SOS1: variants seen among roughly 807,000 people sequenced by gnomAD.
SOS1 encodes SOS Ras/Rac guanine nucleotide exchange factor 1.
Under a neutral mutation model 157.6 loss-of-function variants are expected in SOS1, and 25 were observed. The ratio of observed to expected loss-of-function variants is 0.16; its 90% confidence interval spans 0.12 to 0.22. SOS1 has a LOEUF of 0.22. SOS1 is among the 10% of genes least tolerant of loss of function. The pLI, the probability that SOS1 is intolerant of heterozygous loss-of-function variation, is 1.00. For missense variants in SOS1, 1,237 were observed against 1,599.1 expected, an observed-to-expected ratio of 0.77 and a Z score of 3.86; for synonymous variants, 528 against 534.0, an observed-to-expected ratio of 0.99 and a Z score of 0.16.
intron 6 of SOS1, among the ~76,000 whole-genome samples, chr2:39,045,356 C>G (rs574200612): frequency 2.7e-5 from 4 of 148,568 alleles, no homozygotes; most frequent in Admixed American, 6.8e-5. Flanking sequence ...TTTGTTTGAT[C>G]TTTTAATTTC....
At chr2:39,044,123 G>A (rs1307972050) in intron 6 of SOS1, among the ~76,000 whole-genome samples, 3 of 152,148 alleles carry the variant, frequency 2.0e-5, no homozygotes, top group East Asian at 1.9e-4. Flanking sequence ...TTGGGAGGCC[G>A]AGGCAGGTAG....
chr2:39,114,334 A>T (rs1474779259), intron 1 of SOS1, among the ~76,000 whole-genome samples: 2 of 136,232 alleles, frequency 1.5e-5, no homozygotes, highest in African/African-American at 5.5e-5. Context: ...ATGGAGTTTC[A>T]CTCTTGTTGC....
intron 6 of SOS1, among the ~76,000 whole-genome samples, chr2:39,043,822 C>T (rs1266355870): frequency 6.6e-6 from 1 of 152,110 alleles, no homozygotes; most frequent in Non-Finnish European, 1.5e-5. Flanking sequence ...CTCCACAGGC[C>T]CCACCTCCAA....
chr2:39,013,683 T>G (rs1300987493), intron 12 of SOS1, 120 bp from the exon 13 acceptor site: 2 of 913,058 alleles, frequency 2.2e-6, no homozygotes, highest in Non-Finnish European at 3.6e-6. Context: ...ATCAGTGTGC[T>G]TAACACTTCC....
intron 1 of SOS1, among the ~76,000 whole-genome samples, chr2:39,070,435 A>G (rs923128592): frequency 6.6e-6 from 1 of 152,026 alleles, no homozygotes; most frequent in African/African-American, 2.4e-5. Flanking sequence ...AGAGTTCCAT[A>G]TCTTCCTCCA....
intron 14 of SOS1, among the ~76,000 whole-genome samples, chr2:39,011,591 A>C (rs1289679739): frequency 6.6e-6 from 1 of 152,224 alleles, no homozygotes; most frequent in East Asian, 1.9e-4. Flanking sequence ...GAATAATTTA[A>C]GATTCTAAGT....
chr2:39,074,325 G>A (rs1205117342), intron 1 of SOS1, among the ~76,000 whole-genome samples: 2 of 149,906 alleles, frequency 1.3e-5, no homozygotes, highest in Non-Finnish European at 3.0e-5. Flanking sequence ...ACTCCAGTCT[G>A]GGTGACAGAG....
At chr2:39,045,336 CCTAAT>C (rs759311789) in intron 6 of SOS1, among the ~76,000 whole-genome samples, 19 of 148,508 alleles carry the variant, frequency 1.3e-4, no homozygotes, top group Non-Finnish European at 2.2e-4. Context: ...TCTTCTGTGG[CCTAAT>C]CTTTTTTGTT....
intron 14 of SOS1, 41 bp downstream of exon 14, chr2:39,012,085 C>G: frequency 7.1e-7 from 1 of 1,400,056 alleles, no homozygotes; most frequent in Non-Finnish European, 1.0e-6. Context: ...AAAGTTAACT[C>G]TTTTGAAATG....
chr2:39,015,775 T>C (rs192987479), intron 10 of SOS1, among the ~76,000 whole-genome samples: 1 of 151,274 alleles, frequency 6.6e-6, no homozygotes, highest in African/African-American at 2.4e-5. Flanking sequence ...ACTCAAATTT[T>C]ATCAAGGCCC....
intron 14 of SOS1, among the ~76,000 whole-genome samples, chr2:39,011,421 CT>C (rs934644861): frequency 2.0e-5 from 3 of 148,456 alleles, no homozygotes; most frequent in Admixed American, 6.7e-5. Context: ...ATTCACACAT[CT>C]TTTTTTTTTC....
chr2:39,064,064 G>A (rs541996053), intron 2 of SOS1, among the ~76,000 whole-genome samples: 11 of 151,988 alleles, frequency 7.2e-5, no homozygotes, highest in Admixed American at 1.3e-4. Flanking sequence ...GAACTCTTGG[G>A]CTCAGGCAAT....
intron 1 of SOS1, among the ~76,000 whole-genome samples, chr2:39,069,118 G>A (rs980422447): frequency 6.9e-6 from 1 of 145,646 alleles, no homozygotes; most frequent in South Asian, 2.2e-4. Flanking sequence ...GGCTGAGGAA[G>A]GAGGAACACT....
intron 1 of SOS1, among the ~76,000 whole-genome samples, chr2:39,102,833 T>C (rs888853520): frequency 2.6e-5 from 4 of 152,096 alleles, no homozygotes; most frequent in Non-Finnish European, 5.9e-5. Context: ...CATGCACCTG[T>C]AGTCCCAACT....
chr2:39,053,926 T>TC (rs1671112856), intron 5 of SOS1, among the ~76,000 whole-genome samples: 2 of 151,858 alleles, frequency 1.3e-5, no homozygotes, highest in African/African-American at 4.8e-5. Context: ...GGAAAGGAAC[T>TC]CTTTTTTTTT....
Position 39,092,538 on chromosome 2 carries a change from G to A in SOS1, c.88-24785C>T, listed in dbSNP as rs543524179. 8.6e-4 allele frequency among the ~76,000 whole-genome samples: 131 copies of A among 152,166 alleles called. 1 individual carries two copies. In the South Asian group the frequency reaches 0.018, roughly 21 times the overall value. ...CTTTATTTTCTTTATTTTACTTACT[G>A]TTATCTAAAACTACAGTATTTCTTT... On this transcript the variant is annotated intron_variant, in intron 1 of 22. Coordinates refer to ENST00000402219, the MANE Select transcript of SOS1 (RefSeq NM_005633.4).
chr2:38,997,944 AGAGG>A (rs1668954034), intron 17 of SOS1, among the ~76,000 whole-genome samples: 1 of 152,170 alleles, frequency 6.6e-6, no homozygotes, highest in Non-Finnish European at 1.5e-5. Context: ...CGGCCACACA[AGAGG>A]TTGTTATGAT....
intron 1 of SOS1, among the ~76,000 whole-genome samples, chr2:39,068,580 T>A (rs1444174749): frequency 6.6e-6 from 1 of 152,236 alleles, no homozygotes; most frequent in Non-Finnish European, 1.5e-5. Flanking sequence ...AAATAGTATT[T>A]GTGAACACAA....
At chr2:39,049,516 A>G (rs1670922029) in intron 6 of SOS1, among the ~76,000 whole-genome samples, 2 of 152,132 alleles carry the variant, frequency 1.3e-5, no homozygotes, top group Non-Finnish European at 2.9e-5. Flanking sequence ...CTTCTTTTAA[A>G]CTTTTTGTAT....
Sources: allele counts gnomAD v4.1 joint callset (sites outside exome capture counted in the v4.1 genomes callset), GRCh38; gene constraint gnomAD v4.1.1; transcripts MANE v1.5; gene names NCBI Gene and HGNC (gene_info 2026-07-23, HGNC 2026-07-21).